Variants in BRD7 observed in about 807,000 individuals in gnomAD.
BRD7 encodes bromodomain containing 7, also known as bromodomain-containing protein 7.
Under a neutral mutation model 82.1 loss-of-function variants are expected in BRD7, and 15 were observed. The observed-to-expected ratio is 0.18, with a 90% CI of 0.12 to 0.28. The LOEUF (loss-of-function observed/expected upper bound fraction) is 0.28, where lower values mean the gene tolerates loss of function less well. BRD7 is among the 10% of genes least tolerant of loss of function. BRD7 has a pLI of 1.00. For missense variants in BRD7, 638 were observed against 779.9 expected, an observed-to-expected ratio of 0.82 and a Z score of 2.17; for synonymous variants, 232 against 266.9, an observed-to-expected ratio of 0.87 and a Z score of 1.27.
intron 2 of BRD7, among the ~76,000 whole-genome samples, chr16:50,360,655 C>T (rs1050627322): frequency 3.9e-5 from 6 of 152,160 alleles, no homozygotes; most frequent in African/African-American, 1.4e-4. Context: ...ATTCCTGGGT[C>T]CAACTTTGAG....
intron 2 of BRD7, among the ~76,000 whole-genome samples, chr16:50,365,850 G>A (rs2039122904): frequency 6.6e-6 from 1 of 152,144 alleles, no homozygotes; most frequent in African/African-American, 2.4e-5. Flanking sequence ...TATCTAAAGG[G>A]CAGGAGTTCC....
chr16:50,349,438 A>G (rs558679222), intron 5 of BRD7: 8 of 376,702 alleles, frequency 2.1e-5, no homozygotes, highest in Non-Finnish European at 4.2e-5. Flanking sequence ...AAAAAAAAAG[A>G]AAGTGTGTAG....
intron 6 of BRD7, among the ~76,000 whole-genome samples, chr16:50,337,879 A>G (rs991314622): frequency 7.9e-6 from 1 of 126,100 alleles, no homozygotes; most frequent in African/African-American, 2.5e-5. Context: ...AAAAGATCTG[A>G]AAAAAAGGAA....
In BRD7 at chr16:50,315,999, T is replaced by C. The variant is rs1014124417; in HGVS notation, c.*3212A>G. On this transcript the variant is annotated 3_prime_UTR_variant, in exon 17 of 17. Coordinates refer to ENST00000394688, the MANE Select transcript of BRD7 (RefSeq NM_013263.5). ...TTTCTCACAGAGGCATTCTGGTAAA[T>C]GAAGCTGAAAGGGGTGTTTTACATC... 1.9e-5 allele frequency: 3 copies of C among 154,776 alleles called. No individual in the cohort carries two copies. Among genetic ancestry groups the C allele is most frequent in the Non-Finnish European group, 4.3e-5 (3 of 69,686 alleles). The allele number at this position is 154,776 out of a possible 1,614,324, so 9.6% of individuals were successfully genotyped here.
At chr16:50,367,995 G>C in intron 2 of BRD7, 95 bp downstream of exon 2, 1 of 1,280,476 alleles carries the variant, frequency 7.8e-7, no homozygotes, top group East Asian at 2.3e-5. Context: ...TCTTAGAGGC[G>C]TTTGTTTTCC....
intron 2 of BRD7, among the ~76,000 whole-genome samples, chr16:50,363,670 C>CGCGT (rs1187752140): frequency 1.6e-5 from 1 of 61,650 alleles, no homozygotes; most frequent in East Asian, 3.1e-4. Flanking sequence ...TGCGCGCGCG[C>CGCGT]GCGTGCGCGT....
chr16:50,330,864 G>A lies in BRD7; in HGVS notation c.1012-2120C>T, dbSNP rs115848292. 9.0e-3 allele frequency among the ~76,000 whole-genome samples: 1,363 copies of A among 151,758 alleles called. 21 individuals carry two copies. The highest frequency in any genetic ancestry group is 0.031 in the African/African-American group (1,292 of 41,336). ...GTCATGTTATATTAAGTAATCTTAGGGTTTTCACTTGAAATTAGGGTTACT... is the reference window on the plus strand; with the variant it reads ...GTCATGTTATATTAAGTAATCTTAGAGTTTTCACTTGAAATTAGGGTTACT... On this transcript the variant is annotated intron_variant, in intron 8 of 16. Coordinates refer to ENST00000394688, the MANE Select transcript of BRD7 (RefSeq NM_013263.5).
At chr16:50,341,589 G>A (rs2038055598) in intron 5 of BRD7, among the ~76,000 whole-genome samples, 1 of 143,542 alleles carries the variant, frequency 7.0e-6, no homozygotes, top group Non-Finnish European at 1.5e-5. Flanking sequence ...GTTGCAGTGA[G>A]CCAAGATCAT....
rs866111699 is a variant in BRD7 at position 50,356,725 on chromosome 16, T to A, written c.259-1803A>T. Among the ~76,000 whole-genome samples the A allele has an allele frequency of 4.1e-3, 582 of 141,030 alleles. 5 individuals are homozygous for A. The highest frequency in any genetic ancestry group is 8.1e-3 in the East Asian group (40 of 4,924). The allele number at this position is 141,030 out of a possible 152,430, so 92.5% of individuals were successfully genotyped here. A position where few individuals can be genotyped will look rare whatever the true frequency, so the allele number is the denominator to read the frequency against. On this transcript the variant is annotated intron_variant, in intron 2 of 16. Transcript: ENST00000394688. ...TTCTTTCCTTAGGGGAAAAAAAAAA[T>A]ATATATATATATATACACACACACA...
intron 6 of BRD7, among the ~76,000 whole-genome samples, chr16:50,339,565 C>T (rs775989905): frequency 4.0e-4 from 61 of 152,294 alleles, no homozygotes; most frequent in African/African-American, 1.1e-3. Flanking sequence ...TATTATGCAG[C>T]GCATGACTGT....
intron 2 of BRD7, among the ~76,000 whole-genome samples, chr16:50,360,867 A>G (rs1283375480): frequency 6.6e-6 from 1 of 152,164 alleles, no homozygotes; most frequent in African/African-American, 2.4e-5. Context: ...TGAGACGACT[A>G]CCTCAGGAGG....
chr16:50,335,937 A>G (rs2037779527), intron 6 of BRD7, among the ~76,000 whole-genome samples: 1 of 152,236 alleles, frequency 6.6e-6, no homozygotes, highest in South Asian at 2.1e-4. Context: ...TTTATTGTGG[A>G]CAAATAAAAA....
chr16:50,351,753 A>C (rs1267551043), intron 4 of BRD7, among the ~76,000 whole-genome samples: 2 of 152,128 alleles, frequency 1.3e-5, no homozygotes, highest in South Asian at 2.1e-4. Flanking sequence ...TAATAATTGC[A>C]CATATTTAGA....
intron 1 of BRD7, 120 bp downstream of exon 1, chr16:50,368,606 G>T: frequency 1.8e-6 from 2 of 1,089,080 alleles, no homozygotes; most frequent in Non-Finnish European, 2.5e-6. Context: ...CGCCCCCTTC[G>T]CCGGCCTGGG....
At chr16:50,338,989 GCA>G (rs2037933432) in intron 6 of BRD7, among the ~76,000 whole-genome samples, 1 of 152,216 alleles carries the variant, frequency 6.6e-6, no homozygotes, top group African/African-American at 2.4e-5. Flanking sequence ...TCCAGCGGAT[GCA>G]CAGTGATCAT....
At chr16:50,325,928 T>G (rs1160716020) in intron 10 of BRD7, 45 bp from the exon 11 acceptor site, 2 of 1,522,924 alleles carry the variant, frequency 1.3e-6, no homozygotes, top group Admixed American at 2.2e-5. Context: ...TTAACTTGCA[T>G]GTCAATCTAT....
intron 6 of BRD7, among the ~76,000 whole-genome samples, chr16:50,338,203 G>T (rs1031416605): frequency 1.3e-5 from 2 of 152,170 alleles, no homozygotes; most frequent in African/African-American, 4.8e-5. Context: ...TCTAGATTCT[G>T]AGAGTCTTCC....
rs909211506 is a variant in BRD7 at position 50,325,003 on chromosome 16, T to A, written c.1331+745A>T. Among the ~76,000 whole-genome samples, 108 of 152,186 alleles carry A rather than the reference T, an allele frequency of 7.1e-4. 1 individual carries two copies. The highest frequency in any genetic ancestry group is 1.2e-4 in the Non-Finnish European group (8 of 68,030). On this transcript the variant is annotated intron_variant, in intron 11 of 16. Coordinates refer to ENST00000394688, the MANE Select transcript of BRD7 (RefSeq NM_013263.5). ...CTTACTAATGTAAAAGTGAACAGAT[T>A]CCCTCTTTGTGAGAAAAGCAGGGGA...
intron 7 of BRD7, among the ~76,000 whole-genome samples, chr16:50,334,402 TAAAC>T (rs1306156158): frequency 1.3e-5 from 2 of 152,238 alleles, no homozygotes; most frequent in African/African-American, 4.8e-5. Flanking sequence ...CATTTTTTCT[TAAAC>T]AAACAGTTCT....
Sources: allele counts gnomAD v4.1 joint callset (sites outside exome capture counted in the v4.1 genomes callset), GRCh38; gene constraint gnomAD v4.1.1; transcripts MANE v1.5; gene names NCBI Gene and HGNC (gene_info 2026-07-23, HGNC 2026-07-21).